ALS2: variants seen among roughly 807,000 people sequenced by gnomAD.
ALS2 encodes alsin Rho guanine nucleotide exchange factor ALS2.
A neutral mutation model predicts 203.4 loss-of-function variants in ALS2; 117 were observed. That is an observed-to-expected ratio of 0.58 (90% confidence interval 0.50 to 0.67). The LOEUF is 0.67. ALS2 is among the 30% of genes least tolerant of loss of function. The pLI, the probability that ALS2 is intolerant of heterozygous loss-of-function variation, is 0.00. For synonymous variants in ALS2, 718 were observed against 725.9 expected (o/e 0.99, Z 0.17); for missense variants, 1,715 against 1,989.4 (o/e 0.86, Z 2.62).
rs143189120 is a variant in ALS2 at position 201,756,812 on chromosome 2, A to G, written c.1471+590T>C. On this transcript the variant is annotated intron_variant, in intron 5 of 33. Coordinates refer to ENST00000264276, the MANE Select transcript of ALS2 (RefSeq NM_020919.4). ...GCTCTAATGCATGTTTTGATTCAGT[A>G]AGTCGAGAGTGGAACCTGAGAGTCT... Among the ~76,000 whole-genome samples the G allele has an allele frequency of 9.6e-4, 147 of 152,336 alleles. 1 individual carries two copies. The East Asian group carries it at 0.028, about 29-fold the overall frequency.
rs554178415 is a variant in ALS2, at chr2:201,765,144, C to T, written c.175+2085G>A. ...TCTGAAGTAGCTGGGACTACAGGCGCAGGCCTCCATGCCTGGCTAATTTTT... is the reference window on the plus strand; with the variant it reads ...TCTGAAGTAGCTGGGACTACAGGCGTAGGCCTCCATGCCTGGCTAATTTTT... On this transcript the variant is annotated intron_variant, in intron 3 of 33. Transcript: ENST00000264276. 1.2e-3 allele frequency among the ~76,000 whole-genome samples: 181 copies of T among 152,194 alleles called. 1 individual carries two copies. Among genetic ancestry groups the T allele is most frequent in the Non-Finnish European group, 1.6e-3 (111 of 68,012 alleles).
At chr2:201,726,113 C>G (rs112872034) in intron 19 of ALS2, among the ~76,000 whole-genome samples, 1 of 152,066 alleles carries the variant, frequency 6.6e-6, no homozygotes, top group East Asian at 1.9e-4. Context: ...TGACTTAAAA[C>G]GACTGAAAGG....
At chr2:201,744,042 A>G (rs1437058944) in intron 10 of ALS2, among the ~76,000 whole-genome samples, 11 of 152,172 alleles carry the variant, frequency 7.2e-5, no homozygotes, top group Admixed American at 6.5e-4. Flanking sequence ...TGGAAGCCGC[A>G]GGAGCTCTGG....
Position 201,753,227 on chromosome 2 carries a change from A to C in ALS2, c.1656T>G (p.Cys552Trp). The C allele has an allele frequency of 2.5e-6, 4 of 1,614,118 alleles. No individual in the cohort carries two copies. Among genetic ancestry groups the C allele is most frequent in the Non-Finnish European group, 3.4e-6 (4 of 1,179,964 alleles). ...GDVLPRLQPL[C>W]VKCLDGKEVI... ...CTTCTTTGCCATCCAGACATTTTAC[A>C]CACAACGGTTGAAGCCTTAAAAAGA... Residue 552 changes from cysteine to tryptophan, a missense_variant, in exon 7 of 34, where the codon TGT becomes TGG. Cys to Trp is a radical substitution (Grantham distance 215, BLOSUM62 -2). Coordinates refer to ENST00000264276, the MANE Select transcript of ALS2 (RefSeq NM_020919.4).
intron 25 of ALS2, among the ~76,000 whole-genome samples, chr2:201,714,380 C>T (rs140692468): frequency 9.3e-4 from 142 of 152,290 alleles, no homozygotes; most frequent in African/African-American, 3.3e-3. Context: ...CTTCCCTGGG[C>T]AGAAACATGA....
chr2:201,735,476 C>T (rs554704549), intron 12 of ALS2, among the ~76,000 whole-genome samples: 1 of 152,314 alleles, frequency 6.6e-6, no homozygotes, highest in African/African-American at 2.4e-5. Flanking sequence ...ATGATAAGTG[C>T]TTGTGCATCA....
In ALS2 at chr2:201,741,699, T is replaced by G; in HGVS notation, c.2326A>C (p.Ser776Arg). 1.2e-6 allele frequency: 2 copies of G among 1,614,118 alleles called. No individual in the cohort carries two copies. Among genetic ancestry groups the G allele is most frequent in the Non-Finnish European group, 1.7e-6 (2 of 1,180,022 alleles). ...ARSLVILKHS[S>R]LFLDSYTEYC... ...TCTGTATAACTATCCAAGAAGAGAC[T>G]TGAATGCTTCAGGATGACCAAACTC... Residue 776 changes from serine (S) to arginine (R), a missense_variant, in exon 11 of 34, where the codon AGT becomes CGT. Physicochemically the swap from Ser to Arg is moderately radical, Grantham distance 110. Around this residue, in one of 3 missense-constraint regions of ALS2, gnomAD observed 1,227 missense variants for 1,413.5 expected, o/e 0.87. Transcript: ENST00000264276.
At chr2:201,765,846 T>C (rs1328386765) in intron 3 of ALS2, 1 of 167,064 alleles carries the variant, frequency 6.0e-6, no homozygotes, top group Non-Finnish European at 1.5e-5. Flanking sequence ...AAAAATTATA[T>C]TGAGAAAGTT....
intron 4 of ALS2, 41 bp downstream of exon 4, chr2:201,760,840 A>G (rs1693717277): frequency 5.7e-6 from 9 of 1,580,888 alleles, no homozygotes; most frequent in South Asian, 1.2e-5. Context: ...CATACAGTTC[A>G]ACTCTAGACA....
intron 23 of ALS2, among the ~76,000 whole-genome samples, chr2:201,721,829 A>G (rs1200375908): frequency 1.3e-5 from 2 of 151,980 alleles, no homozygotes; most frequent in Non-Finnish European, 2.9e-5. Context: ...ACGCCTGGCT[A>G]ATTTTTTGTA....
At chr2:201,755,420 A>C (rs1258778944) in intron 5 of ALS2, among the ~76,000 whole-genome samples, 1 of 151,904 alleles carries the variant, frequency 6.6e-6, no homozygotes, top group Non-Finnish European at 1.5e-5. Context: ...GCACCACCAC[A>C]CCCAGCTAAT....
chr2:201,741,806 C>T lies in ALS2; in HGVS notation c.2219G>A (p.Ser740Asn). The change falls in exon 11 of 34, where the codon AGC becomes AAC. Residue 740 changes from serine to asparagine, a missense_variant. Physicochemically the swap from Ser to Asn is conservative, Grantham distance 46. Coordinates refer to ENST00000264276, the MANE Select transcript of ALS2 (RefSeq NM_020919.4). Reference protein sequence around the residue: ...TTVQLLQEVASRFSKLCYLIG... With the variant: ...TTVQLLQEVANRFSKLCYLIG... ...GAGGTAACACAGCTTGCTGAATCGG[C>T]TAGCCACCTCCTGCAACAGCTGGAC... 1 of 1,614,088 alleles carries T rather than the reference C, an allele frequency of 6.2e-7. No individual in the cohort carries two copies. Among genetic ancestry groups the T allele is most frequent in the African/African-American group, 1.3e-5 (1 of 75,046 alleles).
At chr2:201,709,140 G>A (rs1047529314) in intron 27 of ALS2, among the ~76,000 whole-genome samples, 1 of 152,188 alleles carries the variant, frequency 6.6e-6, no homozygotes, top group Admixed American at 6.5e-5. Context: ...TCTGTTTGTT[G>A]CCTGGAACTC....
At position 201,727,070 on chromosome 2, in the gene ALS2, T is replaced by C. The variant is rs925977996; in HGVS notation, c.2979+142A>G. ...TTAAAAAAAAAAACAATGAAGAACC[T>C]ACAGTTTTGGGTTAATGAAGATTTA... is the stretch of plus-strand genomic sequence containing the variant. On this transcript the variant is annotated intron_variant, in intron 17 of 33. Coordinates refer to ENST00000264276, the MANE Select transcript of ALS2 (RefSeq NM_020919.4). 6.5e-6 allele frequency: 6 copies of C among 929,600 alleles called. No homozygotes were observed. The African/African-American group carries it at 1.0e-4, about 16-fold the overall frequency. The allele number at this position is 929,600 out of a possible 1,614,324, so 57.6% of individuals were successfully genotyped here. A position where few individuals can be genotyped will look rare whatever the true frequency, so the allele number is the denominator to read the frequency against.
At chr2:201,753,489 C>A (rs1253403187) in intron 6 of ALS2, among the ~76,000 whole-genome samples, 1 of 152,104 alleles carries the variant, frequency 6.6e-6, no homozygotes, top group African/African-American at 2.4e-5. Context: ...CATAAAACTA[C>A]AAATGATTCT....
intron 12 of ALS2, among the ~76,000 whole-genome samples, chr2:201,738,329 C>T (rs567766333): frequency 4.6e-5 from 7 of 152,142 alleles, no homozygotes; most frequent in Non-Finnish European, 1.0e-4. Context: ...TCATCACATA[C>T]ATTATTTGTT....
At chr2:201,749,548 A>C (rs577021328) in intron 8 of ALS2, among the ~76,000 whole-genome samples, 164 bp downstream of exon 8, 1 of 152,348 alleles carries the variant, frequency 6.6e-6, no homozygotes, top group African/African-American at 2.4e-5. Context: ...ATTTAGCTTG[A>C]AAACACGTGG....
At position 201,762,674 on chromosome 2, in the gene ALS2, T is replaced by C. The variant is rs147940110; in HGVS notation, c.176-856A>G. Reference sequence around the variant, plus strand: ...TGGACTTTATGTACTAGATACTAGCTAGTCTTTCTGAGGTGAGATTTGTTT... The same window carrying C: ...TGGACTTTATGTACTAGATACTAGCCAGTCTTTCTGAGGTGAGATTTGTTT... On this transcript the variant is annotated intron_variant, in intron 3 of 33. Coordinates refer to ENST00000264276, the MANE Select transcript of ALS2 (RefSeq NM_020919.4). The C allele has an allele frequency of 6.6e-5, 10 of 152,388 alleles. 1 individual carries two copies. Among genetic ancestry groups the C allele is most frequent in the Non-Finnish European group, 1.5e-4 (10 of 68,056 alleles). 9.4% of individuals were successfully genotyped at this position (152,388 alleles called of 1,614,324 possible).
At chr2:201,727,609 G>A in intron 16 of ALS2, 96 bp downstream of exon 16, 1 of 1,077,318 alleles carries the variant, frequency 9.3e-7, no homozygotes, top group Non-Finnish European at 1.4e-6. Flanking sequence ...TGAGGAGACT[G>A]TCTCCGAAGC....
Sources: allele counts gnomAD v4.1 joint callset (sites outside exome capture counted in the v4.1 genomes callset), GRCh38; gene constraint gnomAD v4.1.1; regional missense constraint gnomAD v4.1.1; transcripts MANE v1.5; gene names NCBI Gene and HGNC (gene_info 2026-07-23, HGNC 2026-07-21).